The following KCNQ2 variants were observed in gnomAD, a reference collection of about 807,000 sequenced individuals.
KCNQ2 encodes potassium voltage-gated channel subfamily Q member 2.
Under a neutral mutation model 84.8 loss-of-function variants are expected in KCNQ2, and 14 were observed. The observed-to-expected ratio is 0.17, with a 90% confidence interval of 0.11 to 0.26. The LOEUF is 0.26. Among genes scored for constraint, KCNQ2 ranks in the 10% least tolerant of loss-of-function variants. The pLI is 1.00. For missense variants in KCNQ2, 788 were observed against 1,254.0 expected (o/e 0.63, Z 5.61); for synonymous variants, 599 against 554.1 (o/e 1.08, Z -1.14).
chr20:63,443,019 C>T (rs796497653), intron 4 of KCNQ2, among the ~76,000 whole-genome samples: 18 of 27,518 alleles, frequency 6.5e-4, no homozygotes, highest in Non-Finnish European at 8.9e-4. Context: ...ACCATCACCA[C>T]CACCATCACA....
chr20:63,409,866 C>A, intron 15 of KCNQ2: 1 of 86,230 alleles, frequency 1.2e-5, no homozygotes, highest in Non-Finnish European at 2.5e-5. Context: ...ACTGGGCTGC[C>A]CTACCTGCCT....
intron 4 of KCNQ2, among the ~76,000 whole-genome samples, chr20:63,442,785 CCATCACCAT>C (rs2081227978): frequency 9.9e-6 from 1 of 101,400 alleles, no homozygotes; most frequent in African/African-American, 3.9e-5. Context: ...ACCACCACCA[CCATCACCAT>C]TACCACCACC....
At position 63,447,180 on chromosome 20, in the gene KCNQ2, C is replaced by T. The variant is rs113949355; in HGVS notation, c.297-343G>A. 7.9e-3 allele frequency among the ~76,000 whole-genome samples: 1,195 copies of T among 152,206 alleles called. 4 individuals carry two copies. The highest frequency in any genetic ancestry group is 0.013 in the Non-Finnish European group (884 of 68,000). ...TCATCCTTTGGCAACGTCTCCAAAA[C>T]TCTCAGTCAAATGGGAACAGCAAGG... On this transcript the variant is annotated intron_variant, in intron 1 of 16. Coordinates refer to ENST00000359125, the MANE Select transcript of KCNQ2 (RefSeq NM_172107.4).
chr20:63,471,392 T>C (rs2082210193), intron 1 of KCNQ2, among the ~76,000 whole-genome samples: 2 of 152,172 alleles, frequency 1.3e-5, no homozygotes, highest in Admixed American at 1.3e-4. Context: ...TCCCTGAGCC[T>C]CGCCCGGGAA....
rs2081444945 is a variant in KCNQ2, at chr20:63,446,892, CTG to C, written c.297-57_297-56del. ...AGGCCGCAGCAGGGCAGCAGCATGG[CTG>C]TGTCTCCAGAACTCAGGACCCCACT... On this transcript the variant is annotated intron_variant, in intron 1 of 16. Transcript: ENST00000359125. The surrounding 1 kb of genome is among the most constrained non-coding windows in gnomAD (Gnocchi z 5.5). 1.1e-5 allele frequency: 17 copies of C among 1,499,504 alleles called. 1 individual carries two copies. The South Asian group carries it at 1.7e-4, about 15-fold the overall frequency. 92.9% of individuals were successfully genotyped at this position (1,499,504 alleles called of 1,614,324 possible). A position where few individuals can be genotyped will look rare whatever the true frequency, so the allele number is the denominator to read the frequency against.
At chr20:63,410,713 G>T (rs960541940) in intron 15 of KCNQ2, among the ~76,000 whole-genome samples, 2 of 152,196 alleles carry the variant, frequency 1.3e-5, no homozygotes, top group African/African-American at 4.8e-5. Flanking sequence ...ACAGACACTT[G>T]GCCTCACAGG....
chr20:63,453,273 C>T (rs1019782349), intron 1 of KCNQ2, among the ~76,000 whole-genome samples: 3 of 152,254 alleles, frequency 2.0e-5, no homozygotes, highest in African/African-American at 4.8e-5. Context: ...GCCCCGCCCA[C>T]GTGTGCGACC....
rs532555727 is a variant in KCNQ2, at chr20:63,425,591, G to T, written c.1218-1385C>A. Among the ~76,000 whole-genome samples, 1 of 152,094 alleles carries T rather than the reference G, an allele frequency of 6.6e-6. No individual in the cohort carries two copies. The highest frequency in any genetic ancestry group is 2.1e-4 in the South Asian group (1 of 4,816). ...AAAAATTAGCCGGGTGTGGTGGCAG[G>T]TGCCTGTAATCCCAGGTACTCGGGA... On this transcript the variant is annotated intron_variant, in intron 10 of 16. Transcript: ENST00000359125. The surrounding 1 kb of genome is among the most constrained non-coding windows in gnomAD (Gnocchi z 5.5).
chr20:63,468,725 G>A (rs2082140286), intron 1 of KCNQ2, among the ~76,000 whole-genome samples: 2 of 152,242 alleles, frequency 1.3e-5, no homozygotes, highest in African/African-American at 2.4e-5. Flanking sequence ...ATGGCACAGC[G>A]AGCCCCAGGG....
chr20:63,443,465 A>C, intron 4 of KCNQ2, among the ~76,000 whole-genome samples: 1 of 141,542 alleles, frequency 7.1e-6, no homozygotes, highest in African/African-American at 2.7e-5. Flanking sequence ...CATCACCACC[A>C]TCACCACCAT....
intron 1 of KCNQ2, among the ~76,000 whole-genome samples, chr20:63,463,209 C>G (rs1384875735): frequency 1.3e-5 from 2 of 152,080 alleles, no homozygotes; most frequent in East Asian, 1.9e-4. Flanking sequence ...CTGCAGTGAG[C>G]TACAATCACA....
In KCNQ2 at chr20:63,446,276, C is replaced by T; in HGVS notation, c.387+471G>A. ...GTGCATTTGGATGGGGACCAGTCTC[C>T]TTGAGGGCCCCCCACCCCGTTACCA... On this transcript the variant is annotated intron_variant, in intron 2 of 16. Coordinates refer to ENST00000359125, the MANE Select transcript of KCNQ2 (RefSeq NM_172107.4). The surrounding 1 kb of genome is among the most constrained non-coding windows in gnomAD (Gnocchi z 5.5). The T allele has an allele frequency of 3.8e-6, 1 of 262,002 alleles. No individual in the cohort carries two copies. Among genetic ancestry groups the T allele is most frequent in the South Asian group, 4.3e-5 (1 of 23,192 alleles). The allele number at this position is 262,002 out of a possible 1,614,324, so 16.2% of individuals were successfully genotyped here.
At position 63,408,074 on chromosome 20, in the gene KCNQ2, G is replaced by A. The variant is rs903716568; in HGVS notation, c.1887+339C>T. Reference sequence around the variant, plus strand: ...AGACAGCGGCCAGGGTGTCGGGCAAGGAGGACAGAGAGGAGGAAGGCCAGG... The same window carrying A: ...AGACAGCGGCCAGGGTGTCGGGCAAAGAGGACAGAGAGGAGGAAGGCCAGG... On this transcript the variant is annotated intron_variant, in intron 16 of 16. Transcript: ENST00000359125. The surrounding 1 kb of genome is among the most constrained non-coding windows in gnomAD (Gnocchi z 5.0). 1.1e-4 allele frequency: 38 copies of A among 352,314 alleles called. No individual in the cohort carries two copies. Among genetic ancestry groups the A allele is most frequent in the Middle Eastern group, 9.0e-4 (1 of 1,108 alleles). The allele number at this position is 352,314 out of a possible 1,614,324, so 21.8% of individuals were successfully genotyped here.
chr20:63,417,647 G>A (rs568270965), intron 12 of KCNQ2, among the ~76,000 whole-genome samples: 3 of 152,370 alleles, frequency 2.0e-5, no homozygotes, highest in South Asian at 4.1e-4. Context: ...ATACCCAGGC[G>A]GCCACACAGA....
Position 63,420,896 on chromosome 20 carries a change from G to A in KCNQ2, c.1248-1224C>T, listed in dbSNP as rs1189279253. 3.9e-5 allele frequency among the ~76,000 whole-genome samples: 6 copies of A among 152,310 alleles called. No individual in the cohort carries two copies. In the South Asian group the frequency reaches 6.2e-4, roughly 16 times the overall value. ...CTGTTTGCTGGTTAACCACGAACGC[G>A]ACGGTGGGACGAGGCAGGAGGGAGC... On this transcript the variant is annotated intron_variant, in intron 11 of 16. Coordinates refer to ENST00000359125, the MANE Select transcript of KCNQ2 (RefSeq NM_172107.4).
chr20:63,456,148 C>G (rs1368345622), intron 1 of KCNQ2, among the ~76,000 whole-genome samples: 1 of 149,942 alleles, frequency 6.7e-6, no homozygotes, highest in Non-Finnish European at 1.5e-5. Context: ...ACAGGCCCCC[C>G]ACCTCCGGGA....
At chr20:63,441,838 G>A (rs930160837) in intron 5 of KCNQ2, among the ~76,000 whole-genome samples, 3 of 152,230 alleles carry the variant, frequency 2.0e-5, no homozygotes, top group Non-Finnish European at 2.9e-5. Context: ...TGCCTTCCCC[G>A]CAGGGCTGAG....
rs930376317 is a variant in KCNQ2 at position 63,446,635 on chromosome 20, C to T, written c.387+112G>A. ...ACAGGGCACAAAGACATGGCCAGAG[C>T]TGGGGCTGGGGGCGTCAGAGGCCCT... On this transcript the variant is annotated intron_variant, in intron 2 of 16. Coordinates refer to ENST00000359125, the MANE Select transcript of KCNQ2 (RefSeq NM_172107.4). This position sits in a 1 kb window ranked among gnomAD's most constrained non-coding sequence, Gnocchi z 5.5. The T allele has an allele frequency of 7.9e-6, 7 of 881,542 alleles. No individual in the cohort carries two copies. The highest frequency in any genetic ancestry group is 5.6e-5 in the Admixed American group (3 of 53,636). 54.6% of individuals were successfully genotyped at this position (881,542 alleles called of 1,614,324 possible).
intron 12 of KCNQ2, among the ~76,000 whole-genome samples, chr20:63,416,050 C>A (rs1224207109): frequency 6.6e-6 from 1 of 152,226 alleles, no homozygotes; most frequent in Admixed American, 6.5e-5. Flanking sequence ...GTCAGGCTCC[C>A]CTCCCACCAG....
Sources: allele counts gnomAD v4.1 joint callset (sites outside exome capture counted in the v4.1 genomes callset), GRCh38; gene constraint gnomAD v4.1.1; non-coding constraint Gnocchi (gnomAD v3.1); transcripts MANE v1.5; gene names NCBI Gene and HGNC (gene_info 2026-07-23, HGNC 2026-07-21).